Variants in LRCH1 observed in about 807,000 individuals in gnomAD.
LRCH1 encodes leucine rich repeats and calponin homology domain containing 1.
A neutral mutation model predicts 94.9 loss-of-function variants in LRCH1; 23 were observed. The ratio of observed to expected loss-of-function variants is 0.24; its 90% CI spans 0.17 to 0.34. The LOEUF (loss-of-function observed/expected upper bound fraction) is 0.34, where lower values mean the gene tolerates loss of function less well. Among genes scored for constraint, LRCH1 ranks in the 10% least tolerant of loss-of-function variants. LRCH1 has a pLI of 1.00. For synonymous variants in LRCH1, 364 were observed against 354.9 expected, an observed-to-expected ratio of 1.03 and a Z score of -0.29; for missense variants, 790 against 945.9, an observed-to-expected ratio of 0.84 and a Z score of 2.16.
At position 46,742,396 on chromosome 13, in the gene LRCH1, G is replaced by T. The variant is rs945444792; in HGVS notation, c.*548G>T. On this transcript the variant is annotated 3_prime_UTR_variant, in exon 20 of 20. Coordinates refer to ENST00000389797, the MANE Select transcript of LRCH1 (RefSeq NM_001164211.2). Reference sequence around the variant, plus strand: ...TACTGACCAAGTTGGACGTGTACACGTACTCACACTGCCTTGATGGCCATT... The same window carrying T: ...TACTGACCAAGTTGGACGTGTACACTTACTCACACTGCCTTGATGGCCATT... The T allele has an allele frequency of 1.0e-6, 1 of 989,240 alleles. No individual in the cohort carries two copies. Among genetic ancestry groups the T allele is most frequent in the Admixed American group, 5.9e-5 (1 of 17,070 alleles). 61.3% of individuals were successfully genotyped at this position (989,240 alleles called of 1,614,324 possible).
At chr13:46,679,508 C>T (rs866242390) in intron 3 of LRCH1, among the ~76,000 whole-genome samples, 4 of 152,218 alleles carry the variant, frequency 2.6e-5, no homozygotes, top group African/African-American at 7.2e-5. Flanking sequence ...TGACTGAACA[C>T]GATCTCTGGA....
At chr13:46,686,239 G>T (rs1400924885) in intron 5 of LRCH1, among the ~76,000 whole-genome samples, 198 bp downstream of exon 5, 1 of 152,160 alleles carries the variant, frequency 6.6e-6, no homozygotes, top group African/African-American at 2.4e-5. Flanking sequence ...AAGATACAGG[G>T]GAAATTGTCC....
intron 1 of LRCH1, among the ~76,000 whole-genome samples, chr13:46,621,582 G>A (rs534693656): frequency 6.6e-6 from 1 of 152,282 alleles, no homozygotes; most frequent in East Asian, 1.9e-4. Flanking sequence ...CTTTGATAAA[G>A]TCTAGGTGAG....
chr13:46,692,770 CT>C, intron 8 of LRCH1, 129 bp downstream of exon 8: 1 of 648,760 alleles, frequency 1.5e-6, no homozygotes, highest in Non-Finnish European at 2.6e-6. Context: ...GTACTGTGTT[CT>C]TCTGGGAAGT....
rs9590989 is a variant in LRCH1, at chr13:46,732,941, A to G, written c.2008-980A>G. ...AATATTTATTTAGCTTTCAACTTAA[A>G]TTGTTTCACAGGGCAACAGACTCTG... On this transcript the variant is annotated intron_variant, in intron 18 of 19. Transcript: ENST00000389797. 6.2e-3 allele frequency among the ~76,000 whole-genome samples: 942 copies of G among 152,308 alleles called. 9 individuals are homozygous for G. Among genetic ancestry groups the G allele is most frequent in the African/African-American group, 0.022 (910 of 41,546 alleles).
chr13:46,557,572 A>G (rs1354912567), intron 1 of LRCH1, among the ~76,000 whole-genome samples: 1 of 125,894 alleles, frequency 7.9e-6, no homozygotes, highest in Non-Finnish European at 1.9e-5. Context: ...GCCAGGCACG[A>G]TAGCTCACTC....
intron 9 of LRCH1, among the ~76,000 whole-genome samples, chr13:46,696,540 A>T (rs1871200406): frequency 6.6e-6 from 1 of 152,206 alleles, no homozygotes; most frequent in South Asian, 2.1e-4. Flanking sequence ...GGATTCAGAG[A>T]TTTCAAGGAC....
At chr13:46,697,058 A>AC (rs778793525) in intron 9 of LRCH1, among the ~76,000 whole-genome samples, 3 of 152,278 alleles carry the variant, frequency 2.0e-5, no homozygotes, top group Non-Finnish European at 2.9e-5. Context: ...AAAGAGTGAG[A>AC]CCCTTTCTCA....
rs959320082 is a variant in LRCH1, at chr13:46,743,017, C to G, written c.*1169C>G. On this transcript the variant is annotated 3_prime_UTR_variant, in exon 20 of 20. Coordinates refer to ENST00000389797, the MANE Select transcript of LRCH1 (RefSeq NM_001164211.2). The stretch of plus-strand genomic sequence containing the variant: ...AGGAAAAAAAAGAATTTTATCTTAG[C>G]CAGAATGTCCCTGGATTCAGGGGTG... 1 of 985,242 alleles carries G rather than the reference C, an allele frequency of 1.0e-6. No homozygotes were observed. Among genetic ancestry groups the G allele is most frequent in the Non-Finnish European group, 1.2e-6 (1 of 829,908 alleles). The allele number at this position is 985,242 out of a possible 1,614,324, so 61.0% of individuals were successfully genotyped here.
Position 46,709,031 on chromosome 13 carries a change from G to A in LRCH1, c.1528-2760G>A. Among the ~76,000 whole-genome samples the A allele has an allele frequency of 1.3e-5, 2 of 152,172 alleles. 1 individual carries two copies. The highest frequency in any genetic ancestry group is 1.3e-4 in the Admixed American group (2 of 15,282). ...TTTGGTAAGCAAATTTCAGTGTACT[G>A]CTTATTTGATGTACAGATCTCTGGG... On this transcript the variant is annotated intron_variant, in intron 13 of 19. Transcript: ENST00000389797.
At chr13:46,700,964 C>T (rs969007821) in intron 10 of LRCH1, among the ~76,000 whole-genome samples, 157 bp from the exon 11 acceptor site, 5 of 152,238 alleles carry the variant, frequency 3.3e-5, no homozygotes, top group Non-Finnish European at 7.3e-5. Flanking sequence ...TGCCATCCCA[C>T]CCCACAAGGT....
chr13:46,694,964 G>A lies in LRCH1; in HGVS notation c.1192G>A (p.Asp398Asn). Residue 398 changes from aspartate (D) to asparagine (N), a missense_variant, in exon 9 of 20, where the codon GAC (aspartate) becomes AAC (asparagine). Coordinates refer to ENST00000389797, the MANE Select transcript of LRCH1 (RefSeq NM_001164211.2). ...GDSTNSGEERDQFTDRADGLH... is the reference protein window; with the variant it reads ...GDSTNSGEERNQFTDRADGLH... ...CAGCACCAACTCAGGAGAAGAAAGA[G>A]ACCAGTTTACTGATAGAGCAGATGG... The A allele has an allele frequency of 6.2e-7, 1 of 1,614,178 alleles. No homozygotes were observed. The highest frequency in any genetic ancestry group is 8.5e-7 in the Non-Finnish European group (1 of 1,179,990).
At chr13:46,696,904 A>C (rs547852140) in intron 9 of LRCH1, among the ~76,000 whole-genome samples, 1 of 152,112 alleles carries the variant, frequency 6.6e-6, no homozygotes, top group Non-Finnish European at 1.5e-5. Context: ...TTCCATCTCT[A>C]CAAAAAAACA....
intron 1 of LRCH1, among the ~76,000 whole-genome samples, chr13:46,645,239 T>A (rs972750286): frequency 7.9e-5 from 12 of 152,232 alleles, no homozygotes; most frequent in African/African-American, 2.9e-4. Flanking sequence ...TAGCCCAGAA[T>A]TGAATATTAG....
At chr13:46,737,433 G>T (rs1288430104) in intron 19 of LRCH1, among the ~76,000 whole-genome samples, 1 of 152,186 alleles carries the variant, frequency 6.6e-6, no homozygotes, top group Non-Finnish European at 1.5e-5. Context: ...TTTTACAGTA[G>T]TGTAGAAGAC....
At chr13:46,740,314 T>C (rs1294829393) in intron 19 of LRCH1, among the ~76,000 whole-genome samples, 1 of 152,248 alleles carries the variant, frequency 6.6e-6, no homozygotes, top group Non-Finnish European at 1.5e-5. Context: ...ACATATAACA[T>C]GATTTATTCA....
At chr13:46,612,770 T>G (rs8000645) in intron 1 of LRCH1, among the ~76,000 whole-genome samples, 6,567 of 152,272 alleles carry the variant, frequency 0.043, 480 homozygotes, top group African/African-American at 0.15. Context: ...AAGCAGATGA[T>G]CTCTAAAAAC....
At chr13:46,623,795 T>A (rs1449651864) in intron 1 of LRCH1, among the ~76,000 whole-genome samples, 4 of 151,694 alleles carry the variant, frequency 2.6e-5, no homozygotes, top group African/African-American at 9.7e-5. Context: ...ATGTGCCATG[T>A]TGGTGTGCTG....
In LRCH1 at chr13:46,744,310, C is replaced by T; in HGVS notation, c.*2462C>T. On this transcript the variant is annotated 3_prime_UTR_variant, in exon 20 of 20. Transcript: ENST00000389797. Reference sequence around the variant, plus strand: ...AAGAAAGACCGTTTTTTCAGTACTCCCTTCCAATGTTAGATAAAAGGAGCC... The same window carrying T: ...AAGAAAGACCGTTTTTTCAGTACTCTCTTCCAATGTTAGATAAAAGGAGCC... 1.0e-6 allele frequency: 1 copy of T among 985,300 alleles called. No individual in the cohort carries two copies. Among genetic ancestry groups the T allele is most frequent in the Non-Finnish European group, 1.2e-6 (1 of 829,896 alleles). 61.0% of individuals were successfully genotyped at this position (985,300 alleles called of 1,614,324 possible).
Sources: allele counts gnomAD v4.1 joint callset (sites outside exome capture counted in the v4.1 genomes callset), GRCh38; gene constraint gnomAD v4.1.1; transcripts MANE v1.5; gene names NCBI Gene and HGNC (gene_info 2026-07-23, HGNC 2026-07-21).